Variants in KRAS observed in about 807,000 individuals in gnomAD.
The protein encoded by KRAS is KRas proto-oncogene, GTPase.
Under a neutral mutation model 21.0 loss-of-function variants are expected in KRAS, and 1 was observed. The ratio of observed to expected loss-of-function variants is 0.05; its 90% CI spans 0.02 to 0.23. The LOEUF is 0.23. KRAS is among the 10% of genes least tolerant of loss of function. The pLI is 1.00. For missense variants in KRAS, 107 were observed against 221.8 expected, an observed-to-expected ratio of 0.48 and a Z score of 3.29; for synonymous variants, 67 against 72.5, an observed-to-expected ratio of 0.92 and a Z score of 0.39.
chr12:25,216,204 C>A (rs1951253536), intron 4 of KRAS, among the ~76,000 whole-genome samples: 1 of 152,122 alleles, frequency 6.6e-6, no homozygotes, highest in Non-Finnish European at 1.5e-5. Flanking sequence ...GAGCTGCTTA[C>A]CATAATATAA....
chr12:25,231,009 A>G (rs751627893), intron 2 of KRAS, among the ~76,000 whole-genome samples: 1 of 151,914 alleles, frequency 6.6e-6, no homozygotes. Context: ...AGAGTCTTAG[A>G]GTCAACCCAT....
intron 1 of KRAS, among the ~76,000 whole-genome samples, chr12:25,248,855 T>C (rs1351908749): frequency 1.3e-5 from 2 of 152,156 alleles, no homozygotes; most frequent in African/African-American, 2.4e-5. Context: ...AAAGCAAATA[T>C]ACTGTGGATG....
chr12:25,212,088 C>A (rs1486068561), intron 4 of KRAS, among the ~76,000 whole-genome samples: 1 of 152,192 alleles, frequency 6.6e-6, no homozygotes. Context: ...TATTCTGTAG[C>A]TTGCCAGCAC....
chr12:25,231,271 T>G (rs1951466196), intron 2 of KRAS, among the ~76,000 whole-genome samples: 1 of 151,934 alleles, frequency 6.6e-6, no homozygotes, highest in Admixed American at 6.6e-5. Flanking sequence ...CCAGCTAATT[T>G]TTGTATTTTT....
At chr12:25,234,278 G>A (rs1951515690) in intron 2 of KRAS, 1 of 177,232 alleles carries the variant, frequency 5.6e-6, no homozygotes, top group Non-Finnish European at 1.2e-5. Context: ...AATAAGACTA[G>A]GGAAAAGAAT....
intron 2 of KRAS, among the ~76,000 whole-genome samples, chr12:25,241,634 AC>A (rs1189584371): frequency 1.3e-5 from 2 of 152,198 alleles, no homozygotes; most frequent in Admixed American, 6.5e-5. Context: ...GGATCTTAAC[AC>A]CATTGAGGTT....
chr12:25,243,035 A>G (rs554751451), intron 2 of KRAS, among the ~76,000 whole-genome samples: 2 of 152,336 alleles, frequency 1.3e-5, no homozygotes, highest in South Asian at 4.1e-4. Context: ...AAAACTGCTA[A>G]TAATTCCAAA....
intron 4 of KRAS, among the ~76,000 whole-genome samples, chr12:25,217,553 T>C (rs1951269656): frequency 6.6e-6 from 1 of 152,198 alleles, no homozygotes; most frequent in African/African-American, 2.4e-5. Flanking sequence ...GGAATCAATT[T>C]AGTTAACTAG....
chr12:25,231,214 A>C lies in KRAS; in HGVS notation c.112-3802T>G, dbSNP rs147813874. On this transcript the variant is annotated intron_variant, in intron 2 of 4. Coordinates refer to ENST00000311936, the MANE Select transcript of KRAS (RefSeq NM_004985.5). ...CCTCCCAGGTTCAAGCGATTCTCCT[A>C]CCTCAGCCTCCTGAGTAGCTGGGAC... Among the ~76,000 whole-genome samples the C allele has an allele frequency of 4.4e-3, 641 of 144,568 alleles. 2 individuals carry two copies. Among genetic ancestry groups the C allele is most frequent in the African/African-American group, 0.015 (601 of 38,872 alleles). 94.8% of individuals were successfully genotyped at this position (144,568 alleles called of 152,430 possible).
At chr12:25,222,161 C>CAAGA (rs1316458849) in intron 4 of KRAS, among the ~76,000 whole-genome samples, 1 of 133,722 alleles carries the variant, frequency 7.5e-6, no homozygotes, top group African/African-American at 2.7e-5. Flanking sequence ...AAAAAAAAAA[C>CAAGA]AAGAAAGAAA....
At chr12:25,235,272 CT>C in intron 2 of KRAS, 1 of 517,928 alleles carries the variant, frequency 1.9e-6, no homozygotes, top group South Asian at 2.8e-5. Context: ...TGCTCAAGTA[CT>C]TTACGTTACT....
chr12:25,242,331 C>T (rs1445320533), intron 2 of KRAS, among the ~76,000 whole-genome samples: 3 of 152,122 alleles, frequency 2.0e-5, no homozygotes, highest in Non-Finnish European at 2.9e-5. Context: ...TCATTCTGAT[C>T]TCTGTAACTA....
rs1049527852 is a variant in KRAS, at chr12:25,249,654, T to C, written c.-12+1097A>G. On this transcript the variant is annotated intron_variant, in intron 1 of 4. Transcript: ENST00000311936. ...CTATTTCAGGCGGTTAGCTGGTGGATTGCTACAATTCCTCTGTAAGTTTAA... is the reference window on the plus strand; with the variant it reads ...CTATTTCAGGCGGTTAGCTGGTGGACTGCTACAATTCCTCTGTAAGTTTAA... 2.7e-5 allele frequency among the ~76,000 whole-genome samples: 4 copies of C among 147,340 alleles called. No homozygotes were observed. In the East Asian group the frequency reaches 6.2e-4, roughly 23 times the overall value.
chr12:25,239,007 T>TC (rs1284390899), intron 2 of KRAS, among the ~76,000 whole-genome samples: 1 of 152,220 alleles, frequency 6.6e-6, no homozygotes, highest in African/African-American at 2.4e-5. Context: ...GGGTCTATAC[T>TC]CCCACTACAG....
At chr12:25,247,778 G>A (rs1951703872) in intron 1 of KRAS, among the ~76,000 whole-genome samples, 1 of 152,146 alleles carries the variant, frequency 6.6e-6, no homozygotes, top group African/African-American at 2.4e-5. Flanking sequence ...GAATGCAGAT[G>A]CAGATATAAG....
rs1951141264 is a variant in KRAS at position 25,206,600 on chromosome 12, C to T, written c.*3195G>A. ...AGGCCTAAATATCCCCTCATAAGCACTGCAGTTCCTGAAGTATGGCCATTT... is the reference window on the plus strand; with the variant it reads ...AGGCCTAAATATCCCCTCATAAGCATTGCAGTTCCTGAAGTATGGCCATTT... On this transcript the variant is annotated 3_prime_UTR_variant, in exon 5 of 5. Coordinates refer to ENST00000311936, the MANE Select transcript of KRAS (RefSeq NM_004985.5). 1 of 203,140 alleles carries T rather than the reference C, an allele frequency of 4.9e-6. No homozygotes were observed. The highest frequency in any genetic ancestry group is 1.0e-5 in the Non-Finnish European group (1 of 99,202). The allele number at this position is 203,140 out of a possible 1,614,324, so 12.6% of individuals were successfully genotyped here. A position where few individuals can be genotyped will look rare whatever the true frequency, so the allele number is the denominator to read the frequency against.
At chr12:25,230,724 C>A (rs781367105) in intron 2 of KRAS, among the ~76,000 whole-genome samples, 73 of 152,088 alleles carry the variant, frequency 4.8e-4, no homozygotes, top group Non-Finnish European at 8.1e-4. Flanking sequence ...AGTATGAAAA[C>A]CTACATATTA....
At chr12:25,239,069 T>C (rs967553831) in intron 2 of KRAS, among the ~76,000 whole-genome samples, 1 of 152,220 alleles carries the variant, frequency 6.6e-6, no homozygotes, top group Non-Finnish European at 1.5e-5. Flanking sequence ...ATTTTAACCT[T>C]AGCCAATATG....
intron 4 of KRAS, among the ~76,000 whole-genome samples, chr12:25,214,846 T>C (rs887225207): frequency 4.6e-5 from 7 of 152,154 alleles, no homozygotes; most frequent in Non-Finnish European, 1.5e-5. Context: ...CACAGGAATT[T>C]GTGGATACTT....
Sources: allele counts gnomAD v4.1 joint callset (sites outside exome capture counted in the v4.1 genomes callset), GRCh38; gene constraint gnomAD v4.1.1; transcripts MANE v1.5; gene names NCBI Gene and HGNC (gene_info 2026-07-23, HGNC 2026-07-21).